Variants in NEK11 observed in about 807,000 individuals in gnomAD.
NEK11 encodes the protein serine/threonine-protein kinase Nek11.
In NEK11, 72 loss-of-function variants were observed where a neutral mutation model predicts 80.7. The ratio of observed to expected loss-of-function variants is 0.89; its 90% confidence interval spans 0.74 to 1.08. The LOEUF (loss-of-function observed/expected upper bound fraction) is 1.08, where lower values mean the gene tolerates loss of function less well. Ranked by LOEUF, NEK11 falls within the 50% of genes least tolerant of loss-of-function variation. The pLI, the probability that NEK11 is intolerant of heterozygous loss-of-function variation, is 0.00. For synonymous variants in NEK11, 251 were observed against 260.7 expected (o/e 0.96, Z 0.36); for missense variants, 764 against 763.6 (o/e 1.00, Z -0.01).
rs115272020 is a variant in NEK11 at position 131,093,952 on chromosome 3, G to T, written c.336+13364G>T. On this transcript the variant is annotated intron_variant, in intron 4 of 17. Transcript: ENST00000383366. ...GATTTCATAGTGACAGAGGAGAACA[G>T]TCTTGACCTGTGATCTTGGGAAAGC... Among the ~76,000 whole-genome samples, 329 of 149,914 alleles carry T rather than the reference G, an allele frequency of 2.2e-3. 2 individuals are homozygous for T. The highest frequency in any genetic ancestry group is 7.7e-3 in the African/African-American group (311 of 40,594).
At chr3:131,054,208 G>A (rs149464741) in intron 3 of NEK11, among the ~76,000 whole-genome samples, 1 of 152,134 alleles carries the variant, frequency 6.6e-6, no homozygotes, top group Non-Finnish European at 1.5e-5. Context: ...AAAATTAGCC[G>A]GGTGTGGTCC....
At chr3:131,287,365 C>G (rs985970959) in intron 17 of NEK11, among the ~76,000 whole-genome samples, 2 of 152,166 alleles carry the variant, frequency 1.3e-5, no homozygotes, top group Admixed American at 1.3e-4. Flanking sequence ...CCTCCGCCTC[C>G]TGGGTTCAAG....
At chr3:131,103,734 CT>C (rs2149290027) in intron 4 of NEK11, among the ~76,000 whole-genome samples, 1 of 152,308 alleles carries the variant, frequency 6.6e-6, no homozygotes, top group African/African-American at 2.4e-5. Context: ...TTCAGTCTGG[CT>C]CTGTGGAGAA....
At chr3:131,217,169 G>C (rs189327128) in intron 14 of NEK11, among the ~76,000 whole-genome samples, 1 of 152,310 alleles carries the variant, frequency 6.6e-6, no homozygotes, top group East Asian at 1.9e-4. Context: ...AGTGGGGAGA[G>C]AGATTGCTTT....
rs957784177 is a variant in NEK11 at position 131,350,097 on chromosome 3, C to A, written c.*321C>A. ...ACCCTGACGATGACCGGGGAGAAGCCGTGTGCTCTTCATTATTTTCAGCTG... is the reference window on the plus strand; with the variant it reads ...ACCCTGACGATGACCGGGGAGAAGCAGTGTGCTCTTCATTATTTTCAGCTG... On this transcript the variant is annotated 3_prime_UTR_variant, in exon 18 of 18. Coordinates refer to ENST00000383366, the MANE Select transcript of NEK11 (RefSeq NM_024800.5). 4 of 273,350 alleles carry A rather than the reference C, an allele frequency of 1.5e-5. No homozygotes were observed. The highest frequency in any genetic ancestry group is 9.6e-5 in the East Asian group (1 of 10,442). The allele number at this position is 273,350 out of a possible 1,614,324, so 16.9% of individuals were successfully genotyped here.
At chr3:131,171,299 G>A (rs2092677890) in intron 14 of NEK11, among the ~76,000 whole-genome samples, 1 of 152,168 alleles carries the variant, frequency 6.6e-6, no homozygotes, top group Admixed American at 6.5e-5. Flanking sequence ...ATGCAGATGT[G>A]CATTACCAGA....
At chr3:131,097,370 A>G (rs1298660755) in intron 4 of NEK11, among the ~76,000 whole-genome samples, 3 of 151,458 alleles carry the variant, frequency 2.0e-5, no homozygotes, top group Non-Finnish European at 2.9e-5. Context: ...AAGTGTTCCT[A>G]TTTCTCCACA....
intron 16 of NEK11, among the ~76,000 whole-genome samples, chr3:131,258,011 G>A (rs1581003664): frequency 6.6e-6 from 1 of 152,184 alleles, no homozygotes; most frequent in East Asian, 1.9e-4. Flanking sequence ...ATAATGGCAT[G>A]CACAGCAACC....
chr3:131,060,178 A>G (rs1412285321), intron 3 of NEK11, among the ~76,000 whole-genome samples: 1 of 152,214 alleles, frequency 6.6e-6, no homozygotes, highest in Admixed American at 6.5e-5. Context: ...CAGATGTATG[A>G]CATAGTTCAG....
intron 14 of NEK11, among the ~76,000 whole-genome samples, chr3:131,197,569 G>A (rs1294820783): frequency 2.6e-5 from 4 of 152,116 alleles, no homozygotes; most frequent in Non-Finnish European, 4.4e-5. Flanking sequence ...TGATAGTTTT[G>A]AAAAGGCCTG....
chr3:131,042,423 G>C (rs182968080), intron 3 of NEK11, among the ~76,000 whole-genome samples: 83 of 152,246 alleles, frequency 5.5e-4, no homozygotes, highest in African/African-American at 5.1e-4. Context: ...TTGCTTGGTG[G>C]GGGGAGGGGT....
chr3:131,311,052 C>T (rs1385426694), intron 17 of NEK11, among the ~76,000 whole-genome samples: 1 of 152,098 alleles, frequency 6.6e-6, no homozygotes, highest in Non-Finnish European at 1.5e-5. Context: ...TCATCCTTTG[C>T]TTAAGTAAAT....
At chr3:131,149,952 A>G (rs772881775) in intron 7 of NEK11, among the ~76,000 whole-genome samples, 2 of 151,790 alleles carry the variant, frequency 1.3e-5, no homozygotes, top group Non-Finnish European at 2.9e-5. Context: ...TTTTTGTAAT[A>G]TATGCATTTA....
chr3:131,238,772 A>G (rs2095475654), intron 15 of NEK11, among the ~76,000 whole-genome samples: 1 of 152,178 alleles, frequency 6.6e-6, no homozygotes, highest in Non-Finnish European at 1.5e-5. Context: ...CAAAAAGATC[A>G]TAGTGAGCAA....
intron 17 of NEK11, among the ~76,000 whole-genome samples, chr3:131,308,047 A>G (rs1426770940): frequency 2.0e-5 from 3 of 152,234 alleles, no homozygotes; most frequent in African/African-American, 4.8e-5. Context: ...TTAAATTCTC[A>G]GAGGAATAAA....
At chr3:131,073,535 T>A (rs545708531) in intron 3 of NEK11, among the ~76,000 whole-genome samples, 134 of 152,360 alleles carry the variant, frequency 8.8e-4, no homozygotes, top group Middle Eastern at 6.8e-3. Flanking sequence ...AATACTCATA[T>A]GCTGCTAAAA....
intron 3 of NEK11, among the ~76,000 whole-genome samples, chr3:131,043,491 A>G (rs187760986): frequency 1.4e-4 from 21 of 152,364 alleles, no homozygotes; most frequent in South Asian, 4.1e-4. Flanking sequence ...AGTCAAATCA[A>G]TCAAGTGGAA....
At chr3:131,226,248 ATC>A (rs1212945135) in intron 14 of NEK11, among the ~76,000 whole-genome samples, 6 of 152,108 alleles carry the variant, frequency 3.9e-5, no homozygotes, top group East Asian at 1.9e-4. Flanking sequence ...AGAACTGGAG[ATC>A]TCTCAGGAGA....
chr3:131,228,084 A>T (rs1042751045), intron 14 of NEK11, among the ~76,000 whole-genome samples: 1 of 152,148 alleles, frequency 6.6e-6, no homozygotes, highest in African/African-American at 2.4e-5. Flanking sequence ...CATTTAAAAA[A>T]AAAGAAATAT....
Sources: gnomAD v4.1 joint callset for allele counts (sites outside exome capture counted in the v4.1 genomes callset) on GRCh38, gnomAD v4.1.1 for gene constraint, MANE v1.5 for transcripts, NCBI Gene and HGNC (gene_info 2026-07-23, HGNC 2026-07-21) for gene names.